UBE2R2: variants seen among roughly 807,000 people sequenced by gnomAD.
UBE2R2 encodes the protein ubiquitin-conjugating enzyme E2 R2.
Under a neutral mutation model 27.8 loss-of-function variants are expected in UBE2R2, and 1 was observed. The observed-to-expected ratio is 0.04, with a 90% confidence interval of 0.01 to 0.17. The LOEUF (loss-of-function observed/expected upper bound fraction) is 0.17, where lower values mean the gene tolerates loss of function less well. UBE2R2 is among the 10% of genes least tolerant of loss of function. UBE2R2 has a pLI of 1.00. For synonymous variants in UBE2R2, 106 were observed against 113.3 expected (o/e 0.94, Z 0.41); for missense variants, 100 against 291.0 (o/e 0.34, Z 4.78).
intron 1 of UBE2R2, among the ~76,000 whole-genome samples, chr9:33,883,232 T>G (rs963286393): frequency 4.6e-5 from 7 of 152,208 alleles, no homozygotes; most frequent in Non-Finnish European, 7.3e-5. Flanking sequence ...ATTTTATAGT[T>G]TCTCTCTTAT....
intron 1 of UBE2R2, among the ~76,000 whole-genome samples, chr9:33,829,886 C>T (rs769404382): frequency 6.6e-6 from 1 of 150,932 alleles, no homozygotes; most frequent in African/African-American, 2.4e-5. Flanking sequence ...ACCTCCGCCT[C>T]CTGGGTTTTC....
rs1822677946 is a variant in UBE2R2, at chr9:33,917,508, C to T, written c.*271C>T. The T allele has an allele frequency of 1.8e-6, 1 of 554,018 alleles. No homozygotes were observed. Among genetic ancestry groups the T allele is most frequent in the Non-Finnish European group, 3.1e-6 (1 of 318,604 alleles). The allele number at this position is 554,018 out of a possible 1,614,324, so 34.3% of individuals were successfully genotyped here. A position where few individuals can be genotyped will look rare whatever the true frequency, so the allele number is the denominator to read the frequency against. On this transcript the variant is annotated 3_prime_UTR_variant, in exon 5 of 5. Transcript: ENST00000263228. ...ATTCTTTTTTTAAAAAATATGAACC[C>T]AAACTCCCGCCTCACTTCGTCTCTA...
chr9:33,904,969 A>G (rs1262932214), intron 3 of UBE2R2, among the ~76,000 whole-genome samples: 1 of 152,152 alleles, frequency 6.6e-6, no homozygotes, highest in Non-Finnish European at 1.5e-5. Flanking sequence ...GTGCCTTAAT[A>G]CATGATTTGT....
At chr9:33,843,020 A>C (rs759313095) in intron 1 of UBE2R2, among the ~76,000 whole-genome samples, 115 of 92,798 alleles carry the variant, frequency 1.2e-3, no homozygotes, top group Non-Finnish European at 2.0e-3. Flanking sequence ...GACCGTGTTT[A>C]CAAAAAAAAA....
At chr9:33,839,984 A>G (rs1043011340) in intron 1 of UBE2R2, among the ~76,000 whole-genome samples, 1 of 151,058 alleles carries the variant, frequency 6.6e-6, no homozygotes, top group East Asian at 1.9e-4. Context: ...TGACAGAGTG[A>G]GACCCTGACT....
chr9:33,898,898 G>A (rs900310730), intron 2 of UBE2R2, among the ~76,000 whole-genome samples: 1 of 152,130 alleles, frequency 6.6e-6, no homozygotes, highest in Non-Finnish European at 1.5e-5. Flanking sequence ...CACATGGTGG[G>A]CAATCCATAT....
At chr9:33,867,168 G>A (rs1317576840) in intron 1 of UBE2R2, among the ~76,000 whole-genome samples, 1 of 152,010 alleles carries the variant, frequency 6.6e-6, no homozygotes, top group Non-Finnish European at 1.5e-5. Context: ...GATTACAAGC[G>A]TGAACCACCG....
chr9:33,878,017 A>C (rs1821653656), intron 1 of UBE2R2, among the ~76,000 whole-genome samples: 1 of 152,110 alleles, frequency 6.6e-6, no homozygotes, highest in African/African-American at 2.4e-5. Flanking sequence ...TCAGCCTCCC[A>C]AAGTGCTAAG....
intron 1 of UBE2R2, among the ~76,000 whole-genome samples, chr9:33,850,885 G>A (rs532340021): frequency 6.6e-6 from 1 of 152,300 alleles, no homozygotes; most frequent in South Asian, 2.1e-4. Context: ...CCAGCATAAA[G>A]CCACACTTCA....
chr9:33,853,939 T>G (rs144026566), intron 1 of UBE2R2, among the ~76,000 whole-genome samples: 1 of 151,914 alleles, frequency 6.6e-6, no homozygotes, highest in African/African-American at 2.4e-5. Context: ...CAAGCCATCC[T>G]AGCACCTCGG....
chr9:33,874,327 C>T (rs1048392559), intron 1 of UBE2R2, among the ~76,000 whole-genome samples: 1 of 151,972 alleles, frequency 6.6e-6, no homozygotes, highest in African/African-American at 2.4e-5. Context: ...TAGGCATAGA[C>T]CATTGTATAG....
In UBE2R2 at chr9:33,917,151, TATG is replaced by T. The variant is rs1822667013; in HGVS notation, c.636_638del (p.Asp214del). On this transcript the variant is annotated inframe_deletion, in exon 5 of 5. Transcript: ENST00000263228. ...CTCAGATTTGCTTTACGACGACTTG[TATG>T]ATGACGACATTGATGATGAAGATGA... 1 of 1,614,198 alleles carries T rather than the reference TATG, an allele frequency of 6.2e-7. No homozygotes were observed. Among genetic ancestry groups the T allele is most frequent in the Non-Finnish European group, 8.5e-7 (1 of 1,180,038 alleles).
At chr9:33,907,774 T>C (rs759186606) in intron 3 of UBE2R2, among the ~76,000 whole-genome samples, 18 of 152,152 alleles carry the variant, frequency 1.2e-4, no homozygotes, top group Non-Finnish European at 2.2e-4. Context: ...ACACTTAAAC[T>C]CATTTTTTAA....
rs1180768197 is a variant in UBE2R2 at position 33,919,246 on chromosome 9, T to G, written c.*2009T>G. The G allele has an allele frequency of 6.6e-6, 1 of 152,240 alleles. No homozygotes were observed. The highest frequency in any genetic ancestry group is 1.5e-5 in the Non-Finnish European group (1 of 68,048). The allele number at this position is 152,240 out of a possible 1,614,324, so 9.4% of individuals were successfully genotyped here. On this transcript the variant is annotated 3_prime_UTR_variant, in exon 5 of 5. Coordinates refer to ENST00000263228, the MANE Select transcript of UBE2R2 (RefSeq NM_017811.4). ...TGTAAGTAATGCTTCCAGATTAACC[T>G]GCAAATCTTGTGGAGCCAAAGCCTC...
chr9:33,898,737 C>T (rs1184887563), intron 2 of UBE2R2, among the ~76,000 whole-genome samples: 1 of 152,040 alleles, frequency 6.6e-6, no homozygotes, highest in East Asian at 1.9e-4. Flanking sequence ...TGCACTACAG[C>T]CTAGGTAACA....
At chr9:33,874,027 A>G (rs1821549320) in intron 1 of UBE2R2, among the ~76,000 whole-genome samples, 1 of 150,728 alleles carries the variant, frequency 6.6e-6, no homozygotes, top group Non-Finnish European at 1.5e-5. Context: ...CGCTCACTGT[A>G]ACCTCTGCTT....
chr9:33,859,244 A>G (rs2130764317), intron 1 of UBE2R2, among the ~76,000 whole-genome samples: 1 of 152,328 alleles, frequency 6.6e-6, no homozygotes, highest in South Asian at 2.1e-4. Flanking sequence ...TGTAATTGTT[A>G]CTATACTCTG....
At chr9:33,884,158 T>TCTCAAAG (rs1338029542) in intron 1 of UBE2R2, among the ~76,000 whole-genome samples, 2 of 147,090 alleles carry the variant, frequency 1.4e-5, no homozygotes, top group East Asian at 2.1e-4. Flanking sequence ...CAAGACCCTG[T>TCTCAAAG]CTCAAAGAAT....
intron 2 of UBE2R2, among the ~76,000 whole-genome samples, chr9:33,890,481 C>T (rs192843376): frequency 5.8e-4 from 88 of 151,696 alleles, no homozygotes; most frequent in Middle Eastern, 3.4e-3. Flanking sequence ...GCAGGAGAAT[C>T]GGCTTGAACC....
Sources: allele counts gnomAD v4.1 joint callset (sites outside exome capture counted in the v4.1 genomes callset), GRCh38; gene constraint gnomAD v4.1.1; transcripts MANE v1.5; gene names NCBI Gene and HGNC (gene_info 2026-07-23, HGNC 2026-07-21).